DAGLA: variants seen among roughly 807,000 people sequenced by gnomAD.
The protein encoded by DAGLA is diacylglycerol lipase-alpha.
DAGLA carries 22 observed loss-of-function variants against 102.6 expected under a neutral mutation model. That is an observed-to-expected ratio of 0.21 (90% confidence interval 0.15 to 0.31). The LOEUF is 0.31. DAGLA is among the 10% of genes least tolerant of loss of function. The pLI is 1.00. For missense variants in DAGLA, 927 were observed against 1,446.6 expected, an observed-to-expected ratio of 0.64 and a Z score of 5.83; for synonymous variants, 578 against 628.9, an observed-to-expected ratio of 0.92 and a Z score of 1.21.
At chr11:61,721,732 G>C (rs542996787) in intron 3 of DAGLA, among the ~76,000 whole-genome samples, 1 of 152,350 alleles carries the variant, frequency 6.6e-6, no homozygotes, top group South Asian at 2.1e-4. Context: ...CATTTGTAGT[G>C]AACACTGCTC....
Position 61,743,577 on chromosome 11 carries a change from G to T in DAGLA, c.2217G>T (p.Gly739=). The change falls in exon 20 of 20, where the codon GGG becomes GGT. Residue 739 remains glycine, a synonymous_variant. Coordinates refer to ENST00000257215, the MANE Select transcript of DAGLA (RefSeq NM_006133.3). The part of the protein sequence containing the change: ...SEMSLEGFSE[G]RLLSPVVAAA... ...TGAGCCTGGAGGGCTTCTCGGAGGG[G>T]CGGCTGCTGTCGCCAGTGGTTGCGG... is the stretch of plus-strand genomic sequence containing the variant. The T allele has an allele frequency of 6.4e-7, 1 of 1,555,998 alleles. No individual in the cohort carries two copies. Among genetic ancestry groups the T allele is most frequent in the Non-Finnish European group, 8.6e-7 (1 of 1,157,240 alleles).
intron 1 of DAGLA, among the ~76,000 whole-genome samples, chr11:61,682,295 A>C (rs1217413331): frequency 1.1e-4 from 17 of 152,220 alleles, no homozygotes; most frequent in Non-Finnish European, 5.9e-5. Flanking sequence ...AGAGAGTCTC[A>C]TCAAGTAAAG....
chr11:61,710,122 A>C (rs1235992965), intron 1 of DAGLA, among the ~76,000 whole-genome samples: 1 of 151,974 alleles, frequency 6.6e-6, no homozygotes, highest in Non-Finnish European at 1.5e-5. Flanking sequence ...AGTGGAAGGT[A>C]CTAATTCTTC....
At chr11:61,683,204 G>T (rs2064959101) in intron 1 of DAGLA, among the ~76,000 whole-genome samples, 1 of 152,214 alleles carries the variant, frequency 6.6e-6, no homozygotes, top group Admixed American at 6.5e-5. Context: ...TTTTTGCCCT[G>T]TGCCCAGGCT....
intron 1 of DAGLA, among the ~76,000 whole-genome samples, chr11:61,681,693 G>T (rs1388697964): frequency 6.6e-6 from 1 of 152,098 alleles, no homozygotes; most frequent in Non-Finnish European, 1.5e-5. Context: ...CTGGGAATCT[G>T]CTGGGGCCAC....
At chr11:61,710,027 G>T (rs2065180897) in intron 1 of DAGLA, among the ~76,000 whole-genome samples, 6 of 152,176 alleles carry the variant, frequency 3.9e-5, no homozygotes, top group Admixed American at 3.9e-4. Context: ...TGGGCAAGGG[G>T]GCGGGGGCCC....
chr11:61,744,911 G>T lies in DAGLA; in HGVS notation c.*422G>T, dbSNP rs574621527. The T allele has an allele frequency of 1.7e-5, 3 of 176,430 alleles. No homozygotes were observed. In the South Asian group the frequency reaches 4.3e-4, roughly 25 times the overall value. 10.9% of individuals were successfully genotyped at this position (176,430 alleles called of 1,614,324 possible). A position where few individuals can be genotyped will look rare whatever the true frequency, so the allele number is the denominator to read the frequency against. ...CCCCGACACATGTATTCTCATCTGT[G>T]GTCCAGGCCGGCATCGTCCTGGCCA... On this transcript the variant is annotated 3_prime_UTR_variant, in exon 20 of 20. Transcript: ENST00000257215.
At chr11:61,697,315 A>G (rs1417610098) in intron 1 of DAGLA, among the ~76,000 whole-genome samples, 1 of 152,170 alleles carries the variant, frequency 6.6e-6, no homozygotes, top group African/African-American at 2.4e-5. Context: ...AGGAGCATAG[A>G]AGCCGGGCCA....
rs764469311 is a variant in DAGLA, at chr11:61,731,451, CCT to C, written c.974+11_974+12del. On this transcript the variant is annotated intron_variant, in intron 9 of 19. Transcript: ENST00000257215. The stretch of plus-strand genomic sequence containing the variant: ...TGGCTCGGTCCTGCTCGTGAGTACC[CCT>C]GTCCCATCCCCCAGCGATTGCACCT... 6.2e-6 allele frequency: 10 copies of C among 1,612,710 alleles called. No homozygotes were observed. Among genetic ancestry groups the C allele is most frequent in the Non-Finnish European group, 8.5e-6 (10 of 1,179,800 alleles).
At chr11:61,711,574 C>A (rs1426974057) in intron 1 of DAGLA, among the ~76,000 whole-genome samples, 1 of 152,192 alleles carries the variant, frequency 6.6e-6, no homozygotes, top group Non-Finnish European at 1.5e-5. Context: ...GCCCTCCTGG[C>A]CCTCACTTCC....
intron 7 of DAGLA, 103 bp downstream of exon 7, chr11:61,728,390 C>T (rs1270348793): frequency 3.5e-6 from 5 of 1,442,150 alleles, no homozygotes; most frequent in Admixed American, 3.5e-5. Flanking sequence ...TCCCACGCAG[C>T]TCCCCAGTGA....
chr11:61,702,450 C>G (rs2065116622), intron 1 of DAGLA, among the ~76,000 whole-genome samples: 1 of 152,206 alleles, frequency 6.6e-6, no homozygotes, highest in South Asian at 2.1e-4. Flanking sequence ...ATTCCTGAGC[C>G]AGAGGCTGCA....
chr11:61,716,194 G>A (rs2065234654), intron 1 of DAGLA, among the ~76,000 whole-genome samples: 1 of 152,118 alleles, frequency 6.6e-6, no homozygotes, highest in African/African-American at 2.4e-5. Context: ...GTGAGACCCT[G>A]GCCCCGGGGA....
chr11:61,737,042 T>G, intron 13 of DAGLA, 140 bp from the exon 14 acceptor site: 1 of 1,182,422 alleles, frequency 8.5e-7, no homozygotes, highest in Non-Finnish European at 1.2e-6. Context: ...CTTGGTTCTC[T>G]GTGCCCTAGC....
rs779099118 is a variant in DAGLA, at chr11:61,743,926, C to T, written c.2566C>T (p.Leu856=). The T allele has an allele frequency of 6.2e-7, 1 of 1,612,064 alleles. No homozygotes were observed. The highest frequency in any genetic ancestry group is 1.3e-5 in the African/African-American group (1 of 74,928). ...CAAGCACTCACAGGACACGCAGCCC[C>T]TGGAGGCGGCCCTGGGCAGTGGCGG... is the stretch of plus-strand genomic sequence containing the variant. The part of the protein sequence containing the change: ...LSKHSQDTQP[L]EAALGSGGVT... The change falls in exon 20 of 20, where the codon CTG becomes TTG. Residue 856 remains leucine (L), a synonymous_variant. Coordinates refer to ENST00000257215, the MANE Select transcript of DAGLA (RefSeq NM_006133.3).
At chr11:61,723,919 A>G (rs1402806260) in intron 5 of DAGLA, among the ~76,000 whole-genome samples, 4 of 152,222 alleles carry the variant, frequency 2.6e-5, no homozygotes, top group Non-Finnish European at 4.4e-5. Flanking sequence ...GAAGCCAAGC[A>G]TTGCGTGTAG....
At chr11:61,687,562 C>T (rs928556622) in intron 1 of DAGLA, among the ~76,000 whole-genome samples, 1 of 152,198 alleles carries the variant, frequency 6.6e-6, no homozygotes, top group Admixed American at 6.5e-5. Context: ...CTCCTGACCT[C>T]AGGTGATCCA....
intron 1 of DAGLA, among the ~76,000 whole-genome samples, chr11:61,682,715 C>T (rs1008945522): frequency 2.0e-5 from 3 of 151,918 alleles, no homozygotes; most frequent in Non-Finnish European, 4.4e-5. Context: ...GTTCTGAGAA[C>T]GGGGGTGGGG....
At chr11:61,733,611 T>G (rs1591049818) in intron 9 of DAGLA, among the ~76,000 whole-genome samples, 1 of 152,192 alleles carries the variant, frequency 6.6e-6, no homozygotes, top group African/African-American at 2.4e-5. Flanking sequence ...CTCCCTCTGG[T>G]GGCCTGAGGT....
Sources: gnomAD v4.1 joint callset for allele counts (sites outside exome capture counted in the v4.1 genomes callset) on GRCh38, gnomAD v4.1.1 for gene constraint, MANE v1.5 for transcripts, NCBI Gene and HGNC (gene_info 2026-07-23, HGNC 2026-07-21) for gene names.